The following HEPH variants were observed in gnomAD, a reference collection of about 807,000 sequenced individuals.
HEPH encodes the protein hephaestin.
In HEPH, 69 loss-of-function variants were observed where a neutral mutation model predicts 80.8. That is an observed-to-expected ratio of 0.85 (90% CI 0.70 to 1.04). The LOEUF is 1.04. HEPH is among the 50% of genes least tolerant of loss of function. HEPH has a pLI of 0.00. For synonymous variants in HEPH, 431 were observed against 322.8 expected (o/e 1.34, Z -3.60); for missense variants, 1,115 against 891.3 (o/e 1.25, Z -3.20).
At chrX:66,181,974 T>G (rs1228561513) in intron 4 of HEPH, among the ~76,000 whole-genome samples, 4 of 110,768 alleles carry the variant, frequency 3.6e-5, no homozygotes, top group Admixed American at 9.6e-5. Context: ...TCCCATTGCT[T>G]GTTTTTCTCA....
intron 4 of HEPH, among the ~76,000 whole-genome samples, chrX:66,177,474 T>C (rs747022959): frequency 9.7e-4 from 109 of 111,893 alleles, no homozygotes; most frequent in Admixed American, 2.2e-3. Context: ...TACAGGAATT[T>C]ATCCATCTCA....
chrX:66,199,201 T>C (rs1346724020), intron 11 of HEPH, among the ~76,000 whole-genome samples, 173 bp downstream of exon 11: 2 of 112,189 alleles, frequency 1.8e-5, no homozygotes, highest in Non-Finnish European at 3.8e-5. Context: ...TTAGTACCTT[T>C]GGGTGCTGTG....
At chrX:66,244,365 A>G (rs756372267) in intron 15 of HEPH, among the ~76,000 whole-genome samples, 32 of 111,127 alleles carry the variant, frequency 2.9e-4, no homozygotes, top group Non-Finnish European at 5.1e-4. Context: ...TTGTTCATTT[A>G]TTTTTATTTT....
intron 14 of HEPH, among the ~76,000 whole-genome samples, chrX:66,207,734 G>A (rs1057236329): frequency 9.0e-6 from 1 of 111,459 alleles, no homozygotes; most frequent in African/African-American, 3.3e-5. Context: ...GTACAGAAGG[G>A]ACCCACTGAC....
intron 15 of HEPH, among the ~76,000 whole-genome samples, chrX:66,249,924 G>C (rs1198290915): frequency 9.0e-6 from 1 of 111,528 alleles, no homozygotes; most frequent in African/African-American, 3.3e-5. Context: ...GCATTGTGTA[G>C]AATAGAGTAA....
chrX:66,238,291 C>T (rs1229247540), intron 15 of HEPH, among the ~76,000 whole-genome samples: 1 of 111,271 alleles, frequency 9.0e-6, no homozygotes, highest in African/African-American at 3.3e-5. Context: ...CCTTCAGGAG[C>T]TCTTGTAAGG....
chrX:66,211,450 G>T (rs73630914), intron 15 of HEPH, among the ~76,000 whole-genome samples: 2 of 110,546 alleles, frequency 1.8e-5, no homozygotes, highest in Non-Finnish European at 1.9e-5. Flanking sequence ...CTGCATATTT[G>T]TACCCTTTAA....
chrX:66,173,712 C>T lies in HEPH; in HGVS notation c.536C>T (p.Ala179Val), dbSNP rs747671927. 1.2e-5 allele frequency: 14 copies of T among 1,209,153 alleles called. No homozygotes were observed. In the South Asian group the frequency reaches 1.8e-4, roughly 15 times the overall value. The change falls in exon 4 of 21, where the codon GCG (alanine) becomes GTG (valine). Residue 179 changes from alanine (A) to valine (V), a missense_variant. Ala to Val is a moderately conservative substitution (Grantham distance 64). Around this residue, in one of 3 missense-constraint regions of HEPH, gnomAD observed 391 missense variants for 343.6 expected, o/e 1.14. Coordinates refer to ENST00000343002, the MANE Select transcript of HEPH (RefSeq NM_001367233.3). Reference protein sequence around the residue: ...EGHAPTDADPACLTWIYHSHV... With the variant: ...EGHAPTDADPVCLTWIYHSHV... ...CATGCACCCACCGATGCTGACCCAG[C>T]GTGCCTCACCTGGATCTACCATTCT...
Position 66,189,712 on chromosome X carries a change from A to G in HEPH, c.837A>G (p.Leu279=). 7 of 1,209,344 alleles carry G rather than the reference A, an allele frequency of 5.8e-6. No individual in the cohort carries two copies. Among genetic ancestry groups the G allele is most frequent in the Non-Finnish European group, 7.8e-6 (7 of 894,046 alleles). The change falls in exon 6 of 21, where the codon TTA becomes TTG. Residue 279 remains leucine (L), a synonymous_variant. Coordinates refer to ENST00000343002, the MANE Select transcript of HEPH (RefSeq NM_001367233.3). The stretch of plus-strand genomic sequence containing the variant: ...TCAATGGCTTTGTTTTTGGGAATTT[A>G]CCTGAGCTGAACATGTGTGCACAGA... ...HAINGFVFGN[L]PELNMCAQKR...
intron 15 of HEPH, among the ~76,000 whole-genome samples, chrX:66,232,771 C>T (rs2090203275): frequency 9.0e-6 from 1 of 110,750 alleles, no homozygotes; most frequent in Non-Finnish European, 1.9e-5. Flanking sequence ...TACATAAAAT[C>T]ATTATGATAA....
At chrX:66,247,135 T>C (rs2090841778) in intron 15 of HEPH, among the ~76,000 whole-genome samples, 3 of 110,727 alleles carry the variant, frequency 2.7e-5, no homozygotes, top group Admixed American at 9.7e-5. Flanking sequence ...AATTACAATG[T>C]GCCTTGGTGT....
chrX:66,180,323 G>T (rs762599780), intron 4 of HEPH, among the ~76,000 whole-genome samples: 1 of 110,921 alleles, frequency 9.0e-6, no homozygotes, highest in Non-Finnish European at 1.9e-5. Context: ...TTCTCTCAGC[G>T]TATGTTTGTC....
chrX:66,187,859 AAAC>A (rs1461585900), intron 4 of HEPH, among the ~76,000 whole-genome samples: 1 of 112,280 alleles, frequency 8.9e-6, no homozygotes, highest in African/African-American at 3.2e-5. Context: ...TTGTTATTAA[AAAC>A]AACAAAACAC....
At chrX:66,232,714 A>T (rs1280618201) in intron 15 of HEPH, among the ~76,000 whole-genome samples, 2 of 111,274 alleles carry the variant, frequency 1.8e-5, no homozygotes, top group Non-Finnish European at 3.8e-5. Flanking sequence ...ATCAATGTAC[A>T]ATATTTAATT....
At chrX:66,225,800 T>A (rs2089862698) in intron 15 of HEPH, among the ~76,000 whole-genome samples, 1 of 112,703 alleles carries the variant, frequency 8.9e-6, no homozygotes, top group African/African-American at 3.2e-5. Flanking sequence ...GCCTCGACTA[T>A]CTGTTAATCA....
At chrX:66,235,418 T>C (rs771236806) in intron 15 of HEPH, among the ~76,000 whole-genome samples, 1 of 112,193 alleles carries the variant, frequency 8.9e-6, no homozygotes, top group Non-Finnish European at 1.9e-5. Context: ...TGCATATGGC[T>C]AGTGAGTTAT....
At position 66,249,456 on chromosome X, in the gene HEPH, G is replaced by A. The variant is rs190947178; in HGVS notation, c.2564-5579G>A. 1.2e-3 allele frequency among the ~76,000 whole-genome samples: 136 copies of A among 111,615 alleles called. 2 individuals are homozygous for A. Among genetic ancestry groups the A allele is most frequent in the African/African-American group, 4.4e-3 (135 of 30,703 alleles). ...TCAGTTGTTGAGAGTGAGAAGGTAA[G>A]GAACAAATGAGGCTTGAGGAGTGTA... On this transcript the variant is annotated intron_variant, in intron 15 of 20. Transcript: ENST00000343002.
At chrX:66,232,708 A>T (rs896132092) in intron 15 of HEPH, among the ~76,000 whole-genome samples, 2 of 111,103 alleles carry the variant, frequency 1.8e-5, no homozygotes, top group Non-Finnish European at 1.9e-5. Context: ...CTATGTATCA[A>T]TGTACAATAT....
intron 17 of HEPH, among the ~76,000 whole-genome samples, chrX:66,256,984 A>G (rs1461149964): frequency 2.7e-5 from 3 of 112,345 alleles, no homozygotes; most frequent in African/African-American, 9.7e-5. Context: ...AGGGGAGAGC[A>G]TAAGTGCAGT....
Sources: allele counts gnomAD v4.1 joint callset (sites outside exome capture counted in the v4.1 genomes callset), GRCh38; gene constraint gnomAD v4.1.1; regional missense constraint gnomAD v4.1.1; transcripts MANE v1.5; gene names NCBI Gene and HGNC (gene_info 2026-07-23, HGNC 2026-07-21).